CNMD: variants seen among roughly 807,000 people sequenced by gnomAD.
CNMD encodes the protein leukocyte cell-derived chemotaxin 1.
In CNMD, 30 loss-of-function variants were observed where a neutral mutation model predicts 37.5. That is an observed-to-expected ratio of 0.80 (90% CI 0.60 to 1.09). CNMD has a LOEUF of 1.09. Ranked by LOEUF, CNMD falls within the 50% of genes least tolerant of loss-of-function variation. CNMD has a pLI of 0.00. For missense variants in CNMD, 398 were observed against 423.9 expected, an observed-to-expected ratio of 0.94 and a Z score of 0.54; for synonymous variants, 167 against 148.2, an observed-to-expected ratio of 1.13 and a Z score of -0.92.
intron 2 of CNMD, among the ~76,000 whole-genome samples, chr13:52,735,622 T>G (rs916116278): frequency 2.0e-5 from 3 of 151,738 alleles, no homozygotes; most frequent in African/African-American, 7.3e-5. Flanking sequence ...AAGAATTGTC[T>G]TGGACCACAC....
chr13:52,730,255 C>A (rs1381303277), intron 3 of CNMD, among the ~76,000 whole-genome samples: 6 of 151,974 alleles, frequency 3.9e-5, no homozygotes, highest in Non-Finnish European at 8.8e-5. Flanking sequence ...CAAGTCTTTG[C>A]TATCGTGAAT....
At chr13:52,722,662 C>T (rs894048907) in intron 4 of CNMD, among the ~76,000 whole-genome samples, 1 of 152,066 alleles carries the variant, frequency 6.6e-6, no homozygotes. Flanking sequence ...ATCAATGGGA[C>T]CATTTTGTAA....
Position 52,739,288 on chromosome 13 carries a change from G to T in CNMD, c.73-117C>A. ...GGAGTGGGGAGTCGGGCGGGAAACA[G>T]CTCGCCCGGGCTCCTACGGGTGCCC... On this transcript the variant is annotated intron_variant, in intron 1 of 6. Transcript: ENST00000377962. This position sits in a 1 kb window ranked among gnomAD's most constrained non-coding sequence, Gnocchi z 5.4. 8.3e-7 allele frequency: 1 copy of T among 1,206,300 alleles called. No homozygotes were observed. The highest frequency in any genetic ancestry group is 1.1e-6 in the Non-Finnish European group (1 of 905,680). 74.7% of individuals were successfully genotyped at this position (1,206,300 alleles called of 1,614,324 possible).
chr13:52,739,233 C>G lies in CNMD; in HGVS notation c.73-62G>C. ...TGCCGCCAGCACCTGCGGCCCCCAG[C>G]GCACCCGGGCCCCACGCGGTAGCCC... On this transcript the variant is annotated intron_variant, in intron 1 of 6. Coordinates refer to ENST00000377962, the MANE Select transcript of CNMD (RefSeq NM_007015.3). This position sits in a 1 kb window ranked among gnomAD's most constrained non-coding sequence, Gnocchi z 5.4. 2 of 1,410,556 alleles carry G rather than the reference C, an allele frequency of 1.4e-6. No homozygotes were observed. The highest frequency in any genetic ancestry group is 1.8e-6 in the Non-Finnish European group (2 of 1,085,958). 87.4% of individuals were successfully genotyped at this position (1,410,556 alleles called of 1,614,324 possible). A position where few individuals can be genotyped will look rare whatever the true frequency, so the allele number is the denominator to read the frequency against.
At chr13:52,735,565 G>A (rs955448716) in intron 2 of CNMD, among the ~76,000 whole-genome samples, 4 of 151,826 alleles carry the variant, frequency 2.6e-5, no homozygotes, top group African/African-American at 9.7e-5. Context: ...TCCCTAACTA[G>A]GTGCAGGGAT....
intron 5 of CNMD, among the ~76,000 whole-genome samples, chr13:52,711,130 TACA>T (rs1158187715): frequency 6.6e-6 from 1 of 152,170 alleles, no homozygotes; most frequent in African/African-American, 2.4e-5. Context: ...CTCAAATACC[TACA>T]ACAAGTTTAT....
chr13:52,719,251 G>T (rs1964440239), intron 4 of CNMD, among the ~76,000 whole-genome samples: 2 of 152,190 alleles, frequency 1.3e-5, no homozygotes, highest in Admixed American at 6.5e-5. Flanking sequence ...CCTGAATACA[G>T]CACACCGATG....
At chr13:52,712,961 TA>T in intron 4 of CNMD, 92 bp from the exon 5 acceptor site, 1 of 1,026,162 alleles carries the variant, frequency 9.7e-7, no homozygotes, top group Middle Eastern at 2.8e-4. Context: ...TTTTGCCTTA[TA>T]AAAAATTAAT....
At chr13:52,722,348 C>T (rs1281624646) in intron 4 of CNMD, among the ~76,000 whole-genome samples, 1 of 152,170 alleles carries the variant, frequency 6.6e-6, no homozygotes, top group Non-Finnish European at 1.5e-5. Flanking sequence ...AGTTTCCAGG[C>T]GCCTTTGCTA....
chr13:52,719,820 T>G (rs555321968), intron 4 of CNMD, among the ~76,000 whole-genome samples: 1 of 152,298 alleles, frequency 6.6e-6, no homozygotes, highest in East Asian at 1.9e-4. Context: ...TTGCTCTTCT[T>G]GAGGAGTATC....
chr13:52,705,149 C>T (rs1180534571), intron 6 of CNMD, among the ~76,000 whole-genome samples: 1 of 152,098 alleles, frequency 6.6e-6, no homozygotes, highest in East Asian at 1.9e-4. Flanking sequence ...AATTGCTAAC[C>T]TATTGTCAAA....
rs9536266 is a variant in CNMD at position 52,739,522 on chromosome 13, C to T, written c.72+108G>A. 39,165 of 1,016,240 alleles carry T rather than the reference C, an allele frequency of 0.039. 903 individuals are homozygous for T. Among genetic ancestry groups the T allele is most frequent in the Middle Eastern group, 0.065 (250 of 3,852 alleles). The allele number at this position is 1,016,240 out of a possible 1,614,324, so 63.0% of individuals were successfully genotyped here. ...CCACACATTTGGGACCCAAATTTATCCCCCCGCCAACACACCCATTCGGTG... is the reference window on the plus strand; with the variant it reads ...CCACACATTTGGGACCCAAATTTATTCCCCCGCCAACACACCCATTCGGTG... On this transcript the variant is annotated intron_variant, in intron 1 of 6. Transcript: ENST00000377962. This position sits in a 1 kb window ranked among gnomAD's most constrained non-coding sequence, Gnocchi z 5.4.
At chr13:52,733,769 T>C (rs970707052) in intron 2 of CNMD, among the ~76,000 whole-genome samples, 1 of 152,212 alleles carries the variant, frequency 6.6e-6, no homozygotes, top group African/African-American at 2.4e-5. Flanking sequence ...GGTTGAGCAC[T>C]ATTGATGGAT....
At chr13:52,734,831 A>G (rs1193929963) in intron 2 of CNMD, among the ~76,000 whole-genome samples, 1 of 152,156 alleles carries the variant, frequency 6.6e-6, no homozygotes, top group Admixed American at 6.5e-5. Context: ...TGGAAAAAGG[A>G]TCTGTTATTG....
intron 3 of CNMD, among the ~76,000 whole-genome samples, chr13:52,727,872 T>C (rs2138262943): frequency 6.6e-6 from 1 of 152,142 alleles, no homozygotes; most frequent in South Asian, 2.1e-4. Flanking sequence ...ACAGAAGAAA[T>C]AAGTTCTAAT....
intron 5 of CNMD, among the ~76,000 whole-genome samples, chr13:52,710,942 G>T (rs934920399): frequency 1.3e-5 from 2 of 152,170 alleles, no homozygotes; most frequent in African/African-American, 2.4e-5. Flanking sequence ...TGCCAATAAT[G>T]CTGTGTTCCG....
intron 6 of CNMD, among the ~76,000 whole-genome samples, chr13:52,707,647 A>G (rs914072243): frequency 6.6e-6 from 1 of 152,206 alleles, no homozygotes; most frequent in Non-Finnish European, 1.5e-5. Context: ...CACTCTAGGA[A>G]ACATTTTCAA....
intron 2 of CNMD, among the ~76,000 whole-genome samples, chr13:52,735,996 A>ATTT (rs59060322): frequency 7.5e-6 from 1 of 133,168 alleles, no homozygotes; most frequent in Non-Finnish European, 1.6e-5. Flanking sequence ...CGCCCAGCTA[A>ATTT]TTTTTTTTTT....
chr13:52,739,107 A>G lies in CNMD; in HGVS notation c.137T>C (p.Val46Ala). The change falls in exon 2 of 7, where the codon GTC (valine) becomes GCC (alanine). Residue 46 changes from valine (V) to alanine (A), a missense_variant. Coordinates refer to ENST00000377962, the MANE Select transcript of CNMD (RefSeq NM_007015.3). The surrounding 1 kb of genome is among the most constrained non-coding windows in gnomAD (Gnocchi z 5.4). ...CAGCAGCACAGCTCCCGAAATGAGG[A>G]CCACGGCTCCCACCTTGAGCAGCCG... Reference protein sequence around the residue: ...PARLLKVGAVVLISGAVLLLF... With the variant: ...PARLLKVGAVALISGAVLLLF... The G allele has an allele frequency of 6.4e-7, 1 of 1,571,738 alleles. No homozygotes were observed. The highest frequency in any genetic ancestry group is 8.6e-7 in the Non-Finnish European group (1 of 1,163,700).
Sources: gnomAD v4.1 joint callset for allele counts (sites outside exome capture counted in the v4.1 genomes callset) on GRCh38, gnomAD v4.1.1 for gene constraint, Gnocchi (gnomAD v3.1) non-coding constraint, MANE v1.5 for transcripts, NCBI Gene and HGNC (gene_info 2026-07-23, HGNC 2026-07-21) for gene names.